DCUN1D3: variants seen among roughly 807,000 people sequenced by gnomAD.
DCUN1D3 encodes the protein DCN1-like protein 3.
In DCUN1D3, 6 loss-of-function variants were observed where a neutral mutation model predicts 24.8. The ratio of observed to expected loss-of-function variants is 0.24; its 90% CI spans 0.13 to 0.48. DCUN1D3 has a LOEUF of 0.48. DCUN1D3 is among the 20% of genes least tolerant of loss of function. The probability of loss-of-function intolerance (pLI) is 0.99; values close to 1 mark genes in which losing one functional copy is unlikely to be tolerated. For synonymous variants in DCUN1D3, 120 were observed against 144.9 expected (o/e 0.83, Z 1.24); for missense variants, 258 against 379.4 (o/e 0.68, Z 2.66).
At chr16:20,899,699 C>T (rs1281478587) in intron 1 of DCUN1D3, among the ~76,000 whole-genome samples, 1 of 152,172 alleles carries the variant, frequency 6.6e-6, no homozygotes, top group African/African-American at 2.4e-5. Flanking sequence ...ACAGGCAAAG[C>T]CTCCAGCCTC....
chr16:20,879,916 AT>A (rs2152517794), intron 1 of DCUN1D3, among the ~76,000 whole-genome samples: 1 of 152,324 alleles, frequency 6.6e-6, no homozygotes, highest in South Asian at 2.1e-4. Context: ...TTGCAAATCA[AT>A]TTGCTGACAC....
At chr16:20,894,183 C>T (rs544651537) in intron 1 of DCUN1D3, among the ~76,000 whole-genome samples, 2 of 152,264 alleles carry the variant, frequency 1.3e-5, no homozygotes, top group South Asian at 2.1e-4. Context: ...ACAGGAGGAT[C>T]GCTTGAGCCT....
chr16:20,890,676 G>A (rs552336362), intron 1 of DCUN1D3, among the ~76,000 whole-genome samples: 14 of 152,202 alleles, frequency 9.2e-5, no homozygotes, highest in African/African-American at 1.9e-4. Context: ...CTAACTCCAC[G>A]CAGTAACAGA....
chr16:20,863,920 T>G (rs950275918), intron 1 of DCUN1D3, among the ~76,000 whole-genome samples: 1 of 152,238 alleles, frequency 6.6e-6, no homozygotes, highest in South Asian at 2.1e-4. Context: ...GCTAGCCATA[T>G]GCAGAAGACT....
At position 20,855,177 on chromosome 16, in the gene DCUN1D3, T is replaced by C. The variant is rs2081696564; in HGVS notation, c.*4709A>G. On this transcript the variant is annotated 3_prime_UTR_variant, in exon 3 of 3. Coordinates refer to ENST00000324344, the MANE Select transcript of DCUN1D3 (RefSeq NM_173475.4). Reference sequence around the variant, plus strand: ...GGATCCACAAAGGTGGAGGGTCACATGAGCAGTGGACTCATCACCTCAGCG... The same window carrying C: ...GGATCCACAAAGGTGGAGGGTCACACGAGCAGTGGACTCATCACCTCAGCG... The C allele has an allele frequency of 6.6e-6, 1 of 152,246 alleles. No homozygotes were observed. 9.4% of individuals were successfully genotyped at this position (152,246 alleles called of 1,614,324 possible). A position where few individuals can be genotyped will look rare whatever the true frequency, so the allele number is the denominator to read the frequency against.
chr16:20,878,015 T>C (rs2081824728), intron 1 of DCUN1D3, among the ~76,000 whole-genome samples: 1 of 152,214 alleles, frequency 6.6e-6, no homozygotes, highest in African/African-American at 2.4e-5. Context: ...TTGCCCAGGC[T>C]GGTCTCGAAC....
At chr16:20,895,895 T>G (rs2152519420) in intron 1 of DCUN1D3, among the ~76,000 whole-genome samples, 1 of 152,360 alleles carries the variant, frequency 6.6e-6, no homozygotes, top group Non-Finnish European at 1.5e-5. Context: ...AAGTTACCAC[T>G]TCTTCACCTC....
At chr16:20,875,252 ACAC>A (rs2081808869) in intron 1 of DCUN1D3, among the ~76,000 whole-genome samples, 2 of 151,250 alleles carry the variant, frequency 1.3e-5, no homozygotes, top group Non-Finnish European at 1.5e-5. Flanking sequence ...ACACACACAC[ACAC>A]AAATGTTGCA....
chr16:20,898,976 G>GT (rs2081938164), intron 1 of DCUN1D3, among the ~76,000 whole-genome samples: 1 of 152,096 alleles, frequency 6.6e-6, no homozygotes, highest in Non-Finnish European at 1.5e-5. Context: ...TCCGTTATTG[G>GT]TTTGTATTCG....
chr16:20,878,822 T>C (rs2081828716), intron 1 of DCUN1D3, among the ~76,000 whole-genome samples: 1 of 152,174 alleles, frequency 6.6e-6, no homozygotes, highest in Non-Finnish European at 1.5e-5. Flanking sequence ...ATAAAGGTCC[T>C]CCATCTCTTT....
chr16:20,899,665 C>A (rs187450230), intron 1 of DCUN1D3, among the ~76,000 whole-genome samples: 1 of 152,198 alleles, frequency 6.6e-6, no homozygotes, highest in East Asian at 1.9e-4. Context: ...CATTTGTCAC[C>A]CCGTCCCACT....
intron 1 of DCUN1D3, among the ~76,000 whole-genome samples, chr16:20,894,548 G>A (rs1163258973): frequency 6.6e-6 from 1 of 152,190 alleles, no homozygotes; most frequent in African/African-American, 2.4e-5. Context: ...GATCAGGGAT[G>A]ATGCTTCCCA....
chr16:20,860,226 T>C lies in DCUN1D3; in HGVS notation c.575A>G (p.Asp192Gly). 1 of 1,614,206 alleles carries C rather than the reference T, an allele frequency of 6.2e-7. No individual in the cohort carries two copies. Among genetic ancestry groups the C allele is most frequent in the Non-Finnish European group, 8.5e-7 (1 of 1,180,042 alleles). Reference sequence around the variant, plus strand: ...CAGTGACCGCTGCCCTTCTTCAGAGTCCAGGCCAAACTGAAATGTAAACCG... The same window carrying C: ...CAGTGACCGCTGCCCTTCTTCAGAGCCCAGGCCAAACTGAAATGTAAACCG... ...LYRFTFQFGL[D>G]SEEGQRSLHR... Residue 192 changes from aspartate (D) to glycine (G), a missense_variant, in exon 3 of 3, where the codon GAC (aspartate) becomes GGC (glycine). By Grantham distance (94) the Asp-to-Gly change is moderately conservative (BLOSUM62 -1). Transcript: ENST00000324344. The surrounding 1 kb of genome is among the most constrained non-coding windows in gnomAD (Gnocchi z 4.3).
chr16:20,860,103 G>A lies in DCUN1D3; in HGVS notation c.698C>T (p.Ser233Leu), dbSNP rs781598413. 6.2e-6 allele frequency: 10 copies of A among 1,614,122 alleles called. No homozygotes were observed. Among genetic ancestry groups the A allele is most frequent in the African/African-American group, 1.3e-5 (1 of 74,942 alleles). ...QWLNFLTENP[S>L]GIKGISRDTW... is the part of the protein sequence containing the mutation. ...GTCCCGGGAGATGCCCTTGATCCCC[G>A]AGGGGTTCTCTGTTAGGAAGTTTAG... Residue 233 changes from serine (S) to leucine (L), a missense_variant, in exon 3 of 3, where the codon TCG becomes TTG. Coordinates refer to ENST00000324344, the MANE Select transcript of DCUN1D3 (RefSeq NM_173475.4). This position sits in a 1 kb window ranked among gnomAD's most constrained non-coding sequence, Gnocchi z 4.3.
Position 20,869,482 on chromosome 16 carries a change from T to C in DCUN1D3, c.-105-6839A>G, listed in dbSNP as rs558084638. ...AAGAAAATAGTTGTTGCAGCTTTCA[T>C]AGATTAGGAAACAGGTCTCTTAACT... is the stretch of plus-strand genomic sequence containing the variant. On this transcript the variant is annotated intron_variant, in intron 1 of 2. Coordinates refer to ENST00000324344, the MANE Select transcript of DCUN1D3 (RefSeq NM_173475.4). 2.0e-5 allele frequency among the ~76,000 whole-genome samples: 3 copies of C among 152,282 alleles called. No individual in the cohort carries two copies. The South Asian group carries it at 6.2e-4, about 32-fold the overall frequency.
At position 20,859,570 on chromosome 16, in the gene DCUN1D3, C is replaced by CA. The variant is rs879111709; in HGVS notation, c.*315dup. On this transcript the variant is annotated 3_prime_UTR_variant, in exon 3 of 3. Transcript: ENST00000324344. ...AAAAAAAAAAAAAAACAAAAAAAAA[C>CA]AAAAAAAAAACCTAAATTTGTGCAA... is the stretch of plus-strand genomic sequence containing the variant. 879 of 91,554 alleles carry CA rather than the reference C, an allele frequency of 9.6e-3. 7 individuals are homozygous for CA. Among genetic ancestry groups the CA allele is most frequent in the African/African-American group, 0.023 (571 of 25,140 alleles). 5.7% of individuals were successfully genotyped at this position (91,554 alleles called of 1,614,324 possible).
intron 1 of DCUN1D3, among the ~76,000 whole-genome samples, chr16:20,886,283 T>C (rs1394518094): frequency 2.0e-5 from 3 of 152,156 alleles, no homozygotes; most frequent in Admixed American, 1.3e-4. Context: ...AAGACTTCAT[T>C]GAATAAGGTG....
chr16:20,888,817 T>C (rs1484280567), intron 1 of DCUN1D3, among the ~76,000 whole-genome samples: 1 of 152,242 alleles, frequency 6.6e-6, no homozygotes, highest in African/African-American at 2.4e-5. Context: ...CCAGGTGCCG[T>C]GGCTCACACC....
intron 1 of DCUN1D3, among the ~76,000 whole-genome samples, chr16:20,872,646 G>C (rs2081794539): frequency 6.6e-6 from 1 of 151,874 alleles, no homozygotes; most frequent in Non-Finnish European, 1.5e-5. Flanking sequence ...TCAGAAAAGT[G>C]AGGTCACTAG....
Sources: gnomAD v4.1 joint callset for allele counts (sites outside exome capture counted in the v4.1 genomes callset) on GRCh38, gnomAD v4.1.1 for gene constraint, Gnocchi (gnomAD v3.1) non-coding constraint, MANE v1.5 for transcripts, NCBI Gene and HGNC (gene_info 2026-07-23, HGNC 2026-07-21) for gene names.